Variants in TARP observed in about 807,000 individuals in gnomAD.
chr7:38,264,389 G>T, the TARP span, among the ~76,000 whole-genome samples: 2 of 151,404 alleles, frequency 1.3e-5, no homozygotes, highest in African/African-American at 4.9e-5. Context: ...TCAGGAATTT[G>T]AGACCAGCCT....
chr7:38,268,661 C>A, the TARP span, among the ~76,000 whole-genome samples: 1 of 150,924 alleles, frequency 6.6e-6, no homozygotes, highest in African/African-American at 2.4e-5. Flanking sequence ...CATAGAACAA[C>A]AAAAATAAAA....
the TARP span, among the ~76,000 whole-genome samples, chr7:38,264,058 T>C: frequency 0.17 from 21,497 of 126,556 alleles, 29 homozygotes; most frequent in African/African-American, 0.35. Flanking sequence ...AATAAAATCT[T>C]CAAGTGTATC....
chr7:38,270,820 T>A, the TARP span, among the ~76,000 whole-genome samples: 1 of 151,140 alleles, frequency 6.6e-6, no homozygotes, highest in South Asian at 2.1e-4. Flanking sequence ...GGGTTTTTCA[T>A]GACCATTCCT....
the TARP span, among the ~76,000 whole-genome samples, chr7:38,262,565 T>C: frequency 2.6e-5 from 4 of 151,850 alleles, no homozygotes; most frequent in South Asian, 4.2e-4. Flanking sequence ...AATGGAAAAA[T>C]AAACTGAACA....
At chr7:38,260,697 G>A in the TARP span, among the ~76,000 whole-genome samples, 5 of 151,910 alleles carry the variant, frequency 3.3e-5, no homozygotes, top group African/African-American at 1.2e-4. Context: ...AGCTACAAGA[G>A]TGAGTCTCTA....
the TARP span, chr7:38,265,542 C>A: frequency 6.2e-7 from 1 of 1,611,994 alleles, no homozygotes; most frequent in African/African-American, 1.4e-5. Flanking sequence ...TCTTTTCTTG[C>A]CAATGTATCT....
chr7:38,262,253 C>CGTGT, the TARP span: 1 of 1,488,252 alleles, frequency 6.7e-7, no homozygotes, highest in African/African-American at 1.4e-5. Flanking sequence ...GTCAATTGTT[C>CGTGT]GTGTGTGTGT....
chr7:38,260,641 G>T, the TARP span, among the ~76,000 whole-genome samples: 2 of 151,742 alleles, frequency 1.3e-5, no homozygotes, highest in East Asian at 1.9e-4. Flanking sequence ...TGATGTCAAG[G>T]AATAAGTAAA....
chr7:38,270,651 A>T, the TARP span, among the ~76,000 whole-genome samples: 17,486 of 151,364 alleles, frequency 0.12, 1,342 homozygotes, highest in African/African-American at 0.22. Context: ...CAGAATGGGT[A>T]GAGAAAAGGC....
At chr7:38,261,217 T>C in the TARP span, among the ~76,000 whole-genome samples, 1 of 151,772 alleles carries the variant, frequency 6.6e-6, no homozygotes, top group South Asian at 2.1e-4. Flanking sequence ...TTCAGGTTCC[T>C]GGCTTGGTAA....
the TARP span, among the ~76,000 whole-genome samples, chr7:38,262,451 T>C: frequency 6.6e-6 from 1 of 151,660 alleles, no homozygotes; most frequent in East Asian, 1.9e-4. Context: ...TTCTTTTTTA[T>C]CACAACTGGA....
At chr7:38,263,382 T>C in the TARP span, among the ~76,000 whole-genome samples, 1 of 151,844 alleles carries the variant, frequency 6.6e-6, no homozygotes, top group Non-Finnish European at 1.5e-5. Context: ...GAAAAGAAAT[T>C]GGACATATGA....
chr7:38,261,735 G>T, the TARP span, among the ~76,000 whole-genome samples: 1 of 150,914 alleles, frequency 6.6e-6, no homozygotes, highest in Non-Finnish European at 1.5e-5. Context: ...AGCCGGGCAT[G>T]GTGGCACGCG....
chr7:38,269,365 T>G, the TARP span: 1 of 611,832 alleles, frequency 1.6e-6, no homozygotes, highest in Middle Eastern at 2.6e-4. Flanking sequence ...AAGTCTCTCC[T>G]AAGTTTTCTA....
the TARP span, among the ~76,000 whole-genome samples, chr7:38,267,913 G>A: frequency 1.3e-5 from 2 of 151,084 alleles, no homozygotes. Context: ...TTTCTGTACG[G>A]TACCACAGCA....
the TARP span, among the ~76,000 whole-genome samples, chr7:38,264,090 A>G: frequency 2.0e-5 from 3 of 150,510 alleles, no homozygotes; most frequent in South Asian, 2.1e-4. Context: ...CTCTCTCTCA[A>G]TCAAGGTTGG....
chr7:38,269,542 ACAGT>A, the TARP span: 1 of 685,774 alleles, frequency 1.5e-6, no homozygotes, highest in Admixed American at 2.2e-5. Flanking sequence ...TAATAATTCC[ACAGT>A]GATTCAGTCC....
the TARP span, among the ~76,000 whole-genome samples, chr7:38,266,071 G>T: frequency 6.6e-6 from 1 of 151,052 alleles, no homozygotes; most frequent in Admixed American, 6.6e-5. Flanking sequence ...AGGTTTTCAA[G>T]GTGGATGGCA....
chr7:38,264,968 A>G, the TARP span, among the ~76,000 whole-genome samples: 2 of 151,340 alleles, frequency 1.3e-5, no homozygotes, highest in East Asian at 3.9e-4. Flanking sequence ...AAAGACATAT[A>G]TATGTTATTT....
Sources: gnomAD v4.1 joint callset for allele counts (sites outside exome capture counted in the v4.1 genomes callset) on GRCh38, gnomAD v4.1.1 for gene constraint, MANE v1.5 for transcripts.